PARD3B: variants seen among roughly 807,000 people sequenced by gnomAD.
PARD3B encodes the protein par-3 family cell polarity regulator beta.
A neutral mutation model predicts 130.2 loss-of-function variants in PARD3B; 103 were observed. The ratio of observed to expected loss-of-function variants is 0.79; its 90% CI spans 0.67 to 0.93. The LOEUF is 0.93. Ranked by LOEUF, PARD3B falls within the 40% of genes least tolerant of loss-of-function variation. PARD3B has a pLI of 0.00. For synonymous variants in PARD3B, 583 were observed against 553.2 expected, an observed-to-expected ratio of 1.05 and a Z score of -0.76; for missense variants, 1,609 against 1,499.2, an observed-to-expected ratio of 1.07 and a Z score of -1.21.
At chr2:205,354,183 C>G in intron 18 of PARD3B, among the ~76,000 whole-genome samples, 1 of 151,622 alleles carries the variant, frequency 6.6e-6, no homozygotes, top group East Asian at 1.9e-4. Context: ...GGACCACAGG[C>G]ACATGCCACC....
intron 2 of PARD3B, among the ~76,000 whole-genome samples, chr2:204,910,526 GAAAAAAGA>G (rs2047194273): frequency 6.6e-6 from 1 of 152,142 alleles, no homozygotes; most frequent in East Asian, 1.9e-4. Flanking sequence ...AAGAAAATCT[GAAAAAAGA>G]ATAAAAAGTT....
At chr2:205,306,252 C>T (rs1207413) in intron 18 of PARD3B, among the ~76,000 whole-genome samples, 37,448 of 152,032 alleles carry the variant, frequency 0.25, 6,167 homozygotes, top group African/African-American at 0.47. Context: ...TTGGTTTTAG[C>T]CCTGTTGTGT....
chr2:204,744,934 C>A (rs1483352838), intron 2 of PARD3B, among the ~76,000 whole-genome samples: 1 of 151,944 alleles, frequency 6.6e-6, no homozygotes, highest in Non-Finnish European at 1.5e-5. Context: ...CAGTCAGATG[C>A]AACAGAAGGA....
intron 1 of PARD3B, among the ~76,000 whole-genome samples, chr2:204,647,965 ATAT>A (rs1484366971): frequency 6.6e-6 from 1 of 151,554 alleles, no homozygotes; most frequent in Non-Finnish European, 1.5e-5. Flanking sequence ...AATATTATAA[ATAT>A]TATGAGTATA....
chr2:204,806,371 C>T (rs559839365), intron 2 of PARD3B, among the ~76,000 whole-genome samples: 1 of 151,976 alleles, frequency 6.6e-6, no homozygotes, highest in East Asian at 1.9e-4. Context: ...ACAAAGGTAC[C>T]AAGAACATAC....
chr2:205,580,348 A>G (rs1209248330), intron 22 of PARD3B, among the ~76,000 whole-genome samples: 1 of 152,182 alleles, frequency 6.6e-6, no homozygotes, highest in African/African-American at 2.4e-5. Context: ...GGAAGGTCCA[A>G]TCTCTCGCTA....
Position 204,615,391 on chromosome 2 carries a change from T to C in PARD3B, c.120+69272T>C, listed in dbSNP as rs571695322. ...TATACATGAATGAGTTTGTAACTTG[T>C]TATAACACACATTGGTCATTTGAAA... On this transcript the variant is annotated intron_variant, in intron 1 of 22. Transcript: ENST00000406610. Among the ~76,000 whole-genome samples, 5 of 152,218 alleles carry C rather than the reference T, an allele frequency of 3.3e-5. No individual in the cohort carries two copies. The South Asian group carries it at 1.0e-3, about 31-fold the overall frequency.
intron 1 of PARD3B, among the ~76,000 whole-genome samples, chr2:204,665,792 A>AC (rs2035996741): frequency 6.6e-6 from 1 of 152,212 alleles, no homozygotes; most frequent in African/African-American, 2.4e-5. Flanking sequence ...ATGAGATCTA[A>AC]CATAGGCATC....
chr2:205,132,960 G>A (rs143521114), intron 10 of PARD3B, among the ~76,000 whole-genome samples: 4 of 152,158 alleles, frequency 2.6e-5, no homozygotes, highest in Non-Finnish European at 4.4e-5. Context: ...TAAAGTTGGT[G>A]ATATAGAAGG....
rs1466112598 is a variant in PARD3B, at chr2:205,473,736, AT to A, written c.3045-26159del. On this transcript the variant is annotated intron_variant, in intron 20 of 22. Coordinates refer to ENST00000406610, the MANE Select transcript of PARD3B (RefSeq NM_001302769.2). This position sits in a 1 kb window ranked among gnomAD's most constrained non-coding sequence, Gnocchi z 4.9. ...CACACACACGTATATAAAACCCTAA[AT>A]ATATATATATATATATATAACCTTA... Among the ~76,000 whole-genome samples, 1 of 95,268 alleles carries A rather than the reference AT, an allele frequency of 1.0e-5. No individual in the cohort carries two copies. The highest frequency in any genetic ancestry group is 9.9e-5 in the African/African-American group (1 of 10,052). The allele number at this position is 95,268 out of a possible 152,430, so 62.5% of individuals were successfully genotyped here. A position where few individuals can be genotyped will look rare whatever the true frequency, so the allele number is the denominator to read the frequency against.
intron 22 of PARD3B, among the ~76,000 whole-genome samples, chr2:205,561,529 C>A (rs2053136630): frequency 1.3e-5 from 2 of 152,300 alleles, no homozygotes; most frequent in South Asian, 4.1e-4. Context: ...ACAAGGCCAG[C>A]TTGTCAAATA....
chr2:204,974,630 A>T (rs1691982264), intron 3 of PARD3B, among the ~76,000 whole-genome samples: 1 of 152,256 alleles, frequency 6.6e-6, no homozygotes. Context: ...ATCTGAAAGC[A>T]TGAGGAAAAC....
intron 3 of PARD3B, among the ~76,000 whole-genome samples, chr2:205,017,534 C>CT (rs959453264): frequency 6.6e-6 from 1 of 152,066 alleles, no homozygotes; most frequent in Non-Finnish European, 1.5e-5. Context: ...TCAAAGCCTC[C>CT]TATGCACTCA....
At chr2:205,482,908 G>C (rs1237367616) in intron 20 of PARD3B, among the ~76,000 whole-genome samples, 1 of 151,902 alleles carries the variant, frequency 6.6e-6, no homozygotes, top group African/African-American at 2.4e-5. Context: ...TTTTTTTAAA[G>C]CTCCCTCCAC....
At chr2:205,247,896 A>G (rs2039638237) in intron 16 of PARD3B, among the ~76,000 whole-genome samples, 1 of 152,094 alleles carries the variant, frequency 6.6e-6, no homozygotes, top group Non-Finnish European at 1.5e-5. Flanking sequence ...TATGTACTCT[A>G]AGAACATACC....
chr2:204,866,023 C>T (rs2045399028), intron 2 of PARD3B, among the ~76,000 whole-genome samples: 1 of 152,184 alleles, frequency 6.6e-6, no homozygotes, highest in African/African-American at 2.4e-5. Context: ...ACCTGCTTCC[C>T]ATTCATCCTC....
intron 4 of PARD3B, among the ~76,000 whole-genome samples, chr2:205,082,967 T>C (rs1701512058): frequency 6.6e-6 from 1 of 150,784 alleles, no homozygotes; most frequent in African/African-American, 2.4e-5. Context: ...TCGCCCAGGC[T>C]GGAGTGCAGT....
In PARD3B at chr2:204,773,504, C is replaced by G. The variant is rs140521944; in HGVS notation, c.222+87222C>G. On this transcript the variant is annotated intron_variant, in intron 2 of 22. Coordinates refer to ENST00000406610, the MANE Select transcript of PARD3B (RefSeq NM_001302769.2). ...TTCAATGGGAATAGTCATAAATTTA[C>G]CATTCACATCTTTTACAAAACTCAA... Among the ~76,000 whole-genome samples the G allele has an allele frequency of 2.9e-3, 435 of 152,036 alleles. 13 individuals carry two copies. The highest frequency in any genetic ancestry group is 0.026 in the Admixed American group (390 of 15,250).
At chr2:205,034,569 C>T (rs971718699) in intron 3 of PARD3B, among the ~76,000 whole-genome samples, 2 of 152,020 alleles carry the variant, frequency 1.3e-5, no homozygotes, top group Non-Finnish European at 2.9e-5. Flanking sequence ...ATACACAAGA[C>T]AAATAGGGAT....
Sources: gnomAD v4.1 joint callset for allele counts (sites outside exome capture counted in the v4.1 genomes callset) on GRCh38, gnomAD v4.1.1 for gene constraint, Gnocchi (gnomAD v3.1) non-coding constraint, MANE v1.5 for transcripts, NCBI Gene and HGNC (gene_info 2026-07-23, HGNC 2026-07-21) for gene names.